The following CAGE1 variants were observed in gnomAD, a reference collection of about 807,000 sequenced individuals.
CAGE1 encodes the protein cancer antigen 1, also known as cancer-associated gene 1 protein.
CAGE1 carries 66 observed loss-of-function variants against 94.9 expected under a neutral mutation model. That is an observed-to-expected ratio of 0.70 (90% CI 0.57 to 0.85). CAGE1 has a LOEUF of 0.85. Ranked by LOEUF, CAGE1 falls within the 40% of genes least tolerant of loss-of-function variation. The pLI, the probability that CAGE1 is intolerant of heterozygous loss-of-function variation, is 0.00. For synonymous variants in CAGE1, 319 were observed against 321.0 expected (o/e 0.99, Z 0.07); for missense variants, 865 against 950.4 (o/e 0.91, Z 1.18).
chr6:7,375,913 T>C (rs951752348), intron 4 of CAGE1, among the ~76,000 whole-genome samples: 9 of 152,336 alleles, frequency 5.9e-5, no homozygotes, highest in African/African-American at 2.2e-4. Context: ...AAGGCCCTAA[T>C]ATCTTGCTCT....
chr6:7,350,170 T>G (rs1482190656), intron 11 of CAGE1, among the ~76,000 whole-genome samples: 1 of 152,060 alleles, frequency 6.6e-6, no homozygotes, highest in East Asian at 1.9e-4. Flanking sequence ...AAGAGAGACA[T>G]TATATGGTAA....
intron 11 of CAGE1, among the ~76,000 whole-genome samples, chr6:7,345,592 TTCA>T (rs1759459332): frequency 6.6e-6 from 1 of 152,138 alleles, no homozygotes; most frequent in Admixed American, 6.5e-5. Flanking sequence ...ACTAATAGCT[TTCA>T]TAGTAAACAG....
At chr6:7,367,879 T>C (rs1760404695) in intron 7 of CAGE1, among the ~76,000 whole-genome samples, 1 of 152,242 alleles carries the variant, frequency 6.6e-6, no homozygotes, top group Non-Finnish European at 1.5e-5. Context: ...CATCCTGTTA[T>C]CACCTTCCTT....
chr6:7,351,466 A>G (rs1006129345), intron 11 of CAGE1, among the ~76,000 whole-genome samples: 2 of 151,772 alleles, frequency 1.3e-5, no homozygotes, highest in Non-Finnish European at 1.5e-5. Context: ...GCATCACCCT[A>G]ATACCAAAAC....
intron 3 of CAGE1, among the ~76,000 whole-genome samples, chr6:7,380,803 A>T (rs1760908246): frequency 6.6e-6 from 1 of 152,302 alleles, no homozygotes; most frequent in Non-Finnish European, 1.5e-5. Flanking sequence ...ACTGCAGTGA[A>T]CATGTTTCCT....
At chr6:7,367,489 G>T (rs1249205546) in intron 7 of CAGE1, among the ~76,000 whole-genome samples, 1 of 151,946 alleles carries the variant, frequency 6.6e-6, no homozygotes, top group Non-Finnish European at 1.5e-5. Flanking sequence ...TTCCCAGGCT[G>T]GTCTCAAACT....
At chr6:7,387,687 GC>G (rs938389621) in intron 1 of CAGE1, among the ~76,000 whole-genome samples, 6 of 151,866 alleles carry the variant, frequency 4.0e-5, no homozygotes, top group African/African-American at 1.5e-4. Flanking sequence ...ATCATGCATG[GC>G]TATTCAGATA....
At chr6:7,329,536 A>G (rs993311111) in intron 13 of CAGE1, among the ~76,000 whole-genome samples, 4 of 152,294 alleles carry the variant, frequency 2.6e-5, no homozygotes, top group Non-Finnish European at 5.9e-5. Flanking sequence ...GGAGGATGGC[A>G]TGAAGGGGAC....
At chr6:7,375,790 A>C (rs1760720998) in intron 4 of CAGE1, among the ~76,000 whole-genome samples, 1 of 152,222 alleles carries the variant, frequency 6.6e-6, no homozygotes, top group Non-Finnish European at 1.5e-5. Flanking sequence ...TCTGGAATTT[A>C]GAGACAAGGA....
At chr6:7,352,140 A>G (rs1759790841) in intron 11 of CAGE1, among the ~76,000 whole-genome samples, 1 of 151,740 alleles carries the variant, frequency 6.6e-6, no homozygotes, top group South Asian at 2.1e-4. Context: ...AACCCTAATG[A>G]CTCCTCCCAA....
chr6:7,374,767 C>T (rs903864643), intron 4 of CAGE1, among the ~76,000 whole-genome samples: 27 of 152,148 alleles, frequency 1.8e-4, no homozygotes, highest in Admixed American at 7.9e-4. Flanking sequence ...AGGTAGCTCA[C>T]GCCTGTAATC....
Position 7,378,735 on chromosome 6 carries a change from C to A in CAGE1, c.569G>T (p.Ser190Ile), listed in dbSNP as rs757921893. 4 of 1,613,944 alleles carry A rather than the reference C, an allele frequency of 2.5e-6. No individual in the cohort carries two copies. In the Admixed American group the frequency reaches 6.7e-5, roughly 27 times the overall value. ...NEYFRQPPPR[S>I]PPLIHCSGEM... is the part of the protein sequence containing the mutation. ...TCCACTGCAGTGGATTAGAGGCGGG[C>A]TTCTAGGAGGAGGCTGTCTAAAATA... The change falls in exon 4 of 14, where the codon AGC becomes ATC. Residue 190 changes from serine (S) to isoleucine (I), a missense_variant. Coordinates refer to ENST00000502583, the MANE Select transcript of CAGE1 (RefSeq NM_001170692.2).
Position 7,363,247 on chromosome 6 carries a change from C to T in CAGE1, c.2193+2221G>A, listed in dbSNP as rs552892611. 7.9e-5 allele frequency among the ~76,000 whole-genome samples: 12 copies of T among 152,128 alleles called. No individual in the cohort carries two copies. The East Asian group carries it at 1.2e-3, about 15-fold the overall frequency. ...ATCGTGCCACTGCACTTCAGCCTGG[C>T]GACACAGCAAGGATCCGTCTCTAAA... On this transcript the variant is annotated intron_variant, in intron 9 of 13. Coordinates refer to ENST00000502583, the MANE Select transcript of CAGE1 (RefSeq NM_001170692.2).
Position 7,339,662 on chromosome 6 carries a change from A to G in CAGE1, c.2370-5572T>C, listed in dbSNP as rs1759096894. ...AGCTCCCACTTATGAGTGAGAACAT[A>G]TGATGTTTGGTTTTCCATTCCTGAG... On this transcript the variant is annotated intron_variant, in intron 11 of 13. Coordinates refer to ENST00000502583, the MANE Select transcript of CAGE1 (RefSeq NM_001170692.2). The surrounding 1 kb of genome is among the most constrained non-coding windows in gnomAD (Gnocchi z 4.7). The G allele has an allele frequency of 1.7e-6, 1 of 597,876 alleles. No homozygotes were observed. Among genetic ancestry groups the G allele is most frequent in the South Asian group, 1.9e-5 (1 of 51,534 alleles). 37.0% of individuals were successfully genotyped at this position (597,876 alleles called of 1,614,324 possible). A position where few individuals can be genotyped will look rare whatever the true frequency, so the allele number is the denominator to read the frequency against.
At chr6:7,343,455 A>G (rs140913248) in intron 11 of CAGE1, among the ~76,000 whole-genome samples, 165 of 152,078 alleles carry the variant, frequency 1.1e-3, no homozygotes, top group African/African-American at 3.7e-3. Context: ...AAACTTAGAA[A>G]GAAAGGTTGT....
chr6:7,351,523 G>A (rs145171488), intron 11 of CAGE1, among the ~76,000 whole-genome samples: 1 of 73,030 alleles, frequency 1.4e-5, no homozygotes, highest in Admixed American at 1.5e-4. Context: ...AAAACTTAAA[G>A]TATAATAAAA....
At chr6:7,355,940 G>T in intron 10 of CAGE1, 85 bp downstream of exon 10, 1 of 721,326 alleles carries the variant, frequency 1.4e-6, no homozygotes, top group Non-Finnish European at 2.4e-6. Context: ...GGGGATTGAG[G>T]CTGTAGTTAG....
chr6:7,385,074 C>T (rs1038279785), intron 3 of CAGE1, among the ~76,000 whole-genome samples: 4 of 152,160 alleles, frequency 2.6e-5, no homozygotes, highest in Admixed American at 6.5e-5. Flanking sequence ...GGTGCAATCT[C>T]GGCTCACAGC....
At chr6:7,333,636 A>ATATAT (rs1491547347) in intron 12 of CAGE1, among the ~76,000 whole-genome samples, 32 of 43,576 alleles carry the variant, frequency 7.3e-4, no homozygotes, top group South Asian at 2.0e-3. Context: ...CTATCTATCT[A>ATATAT]ACTATCTATA....
Sources: allele counts gnomAD v4.1 joint callset (sites outside exome capture counted in the v4.1 genomes callset), GRCh38; gene constraint gnomAD v4.1.1; non-coding constraint Gnocchi (gnomAD v3.1); transcripts MANE v1.5; gene names NCBI Gene and HGNC (gene_info 2026-07-23, HGNC 2026-07-21).